The following CPXM1 variants were observed in gnomAD, a reference collection of about 807,000 sequenced individuals.
The protein encoded by CPXM1 is probable carboxypeptidase X1.
In CPXM1, 72 loss-of-function variants were observed where a neutral mutation model predicts 80.4. The ratio of observed to expected loss-of-function variants is 0.90; its 90% CI spans 0.74 to 1.09. The LOEUF (loss-of-function observed/expected upper bound fraction) is 1.09, where lower values mean the gene tolerates loss of function less well. Ranked by LOEUF, CPXM1 falls within the 50% of genes least tolerant of loss-of-function variation. The probability of loss-of-function intolerance (pLI) is 0.00; values close to 1 mark genes in which losing one functional copy is unlikely to be tolerated. For synonymous variants in CPXM1, 403 were observed against 405.6 expected, an observed-to-expected ratio of 0.99 and a Z score of 0.08; for missense variants, 892 against 999.4, an observed-to-expected ratio of 0.89 and a Z score of 1.45.
At position 2,794,338 on chromosome 20, in the gene CPXM1, C is replaced by T. The variant is rs138143188; in HGVS notation, c.2057G>A (p.Arg686Gln). The T allele has an allele frequency of 8.4e-5, 135 of 1,614,076 alleles. No individual in the cohort carries two copies. The African/African-American group carries it at 1.3e-3, about 15-fold the overall frequency. The change falls in exon 14 of 14, where the codon CGG becomes CAG. Residue 686 changes from arginine (R) to glutamine (Q), a missense_variant. Arg to Gln is a conservative substitution (Grantham distance 43). This residue lies in a region of CPXM1 where 874 missense variants were observed against 958.4 expected (regional missense o/e 0.91). Coordinates refer to ENST00000380605, the MANE Select transcript of CPXM1 (RefSeq NM_019609.5). This position sits in a 1 kb window ranked among gnomAD's most constrained non-coding sequence, Gnocchi z 5.2. ...GAAGGGGCCCTCTTCAAAGGTGACC[C>T]GACAGTTCCGTGTCACTGAATGGTA... Reference protein sequence around the residue: ...EGYHSVTRNCRVTFEEGPFPC... With the variant: ...EGYHSVTRNCQVTFEEGPFPC...
In CPXM1 at chr20:2,795,220, C is replaced by A. The variant is rs1358853024; in HGVS notation, c.1860+57G>T. On this transcript the variant is annotated intron_variant, in intron 12 of 13. Transcript: ENST00000380605. This position sits in a 1 kb window ranked among gnomAD's most constrained non-coding sequence, Gnocchi z 5.4. ...GAAGAACCCCTGGTAGGAGCTGTAG[C>A]CTAAATGGACAGCAGGAGTGATTCA... is the stretch of plus-strand genomic sequence containing the variant. 7.6e-6 allele frequency: 12 copies of A among 1,586,316 alleles called. No individual in the cohort carries two copies. In the East Asian group the frequency reaches 2.5e-4, roughly 33 times the overall value.
chr20:2,797,889 C>G, intron 5 of CPXM1, 79 bp downstream of exon 5: 1 of 1,325,498 alleles, frequency 7.5e-7, no homozygotes, highest in African/African-American at 1.4e-5. Flanking sequence ...ATTCCTTGTC[C>G]TCAGAGGAGC....
At chr20:2,800,108 G>A (rs2146564555) in intron 1 of CPXM1, among the ~76,000 whole-genome samples, 1 of 148,516 alleles carries the variant, frequency 6.7e-6, no homozygotes, top group East Asian at 2.3e-4. Context: ...CACTGTGAGT[G>A]TGAGTGTGCG....
chr20:2,797,480 A>G, intron 5 of CPXM1, 138 bp from the exon 6 acceptor site: 2 of 975,018 alleles, frequency 2.1e-6, no homozygotes, highest in Non-Finnish European at 2.9e-6. Flanking sequence ...CTGTGCATCA[A>G]ACACAGACCC....
chr20:2,795,468 C>T lies in CPXM1; in HGVS notation c.1721-52G>A, dbSNP rs1308620264. ...TAAGCAGGCGGGATGCGGTCCCATC[C>T]TCCCGCTACCCTCCCTTCTCTGAGG... On this transcript the variant is annotated intron_variant, in intron 11 of 13. Coordinates refer to ENST00000380605, the MANE Select transcript of CPXM1 (RefSeq NM_019609.5). This position sits in a 1 kb window ranked among gnomAD's most constrained non-coding sequence, Gnocchi z 5.4. 1.3e-6 allele frequency: 2 copies of T among 1,597,858 alleles called. No individual in the cohort carries two copies. The highest frequency in any genetic ancestry group is 1.7e-6 in the Non-Finnish European group (2 of 1,168,764).
At chr20:2,800,140 CGCACGCGCGTGTGAGTGTGCGT>C (rs1236338504) in intron 1 of CPXM1, among the ~76,000 whole-genome samples, 1 of 124,352 alleles carries the variant, frequency 8.0e-6, no homozygotes, top group South Asian at 2.8e-4. Context: ...TGTGTGTGCG[CGCACGCGCGTGTGAGTGTGCGT>C]GTGTGTGCAT....
rs186626222 is a variant in CPXM1, at chr20:2,795,301, G to T, written c.1836C>A (p.Asp612Glu). ...ELPQEWENNK[D>E]ALLTYLEQVR... ...CCTGCTCCAGGTAGGTGAGGAGGGC[G>T]TCTTTGTTGTTCTCCCACTCCTGGG... Residue 612 changes from aspartate (D) to glutamate (E), a missense_variant, in exon 12 of 14, where the codon GAC becomes GAA. Transcript: ENST00000380605. The surrounding 1 kb of genome is among the most constrained non-coding windows in gnomAD (Gnocchi z 5.4). 185 of 1,614,050 alleles carry T rather than the reference G, an allele frequency of 1.1e-4. No individual in the cohort carries two copies. The East Asian group carries it at 3.9e-3, about 34-fold the overall frequency.
Position 2,796,028 on chromosome 20 carries a change from T to G in CPXM1, c.1376A>C (p.Asn459Thr). The G allele has an allele frequency of 3.1e-6, 5 of 1,613,148 alleles. No individual in the cohort carries two copies. The highest frequency in any genetic ancestry group is 4.2e-6 in the Non-Finnish European group (5 of 1,179,572). The change falls in exon 10 of 14, where the codon AAC becomes ACC. Residue 459 changes from asparagine (N) to threonine (T), a missense_variant. Asn to Thr is a moderately conservative substitution (Grantham distance 65). This residue lies in a region of CPXM1 where 874 missense variants were observed against 958.4 expected (regional missense o/e 0.91). Transcript: ENST00000380605. This position sits in a 1 kb window ranked among gnomAD's most constrained non-coding sequence, Gnocchi z 6.8. ...GTAAGTGGGCAATGGCAGGTGATGG[T>G]TGGGGACGATGTGGGGCACCTTCCC... The part of the protein sequence containing the change: ...DDGKVPHIVP[N>T]HHLPLPTYYT...
At position 2,794,749 on chromosome 20, in the gene CPXM1, C is replaced by T. The variant is rs970491297; in HGVS notation, c.1861-110G>A. On this transcript the variant is annotated intron_variant, in intron 12 of 13. Coordinates refer to ENST00000380605, the MANE Select transcript of CPXM1 (RefSeq NM_019609.5). This position sits in a 1 kb window ranked among gnomAD's most constrained non-coding sequence, Gnocchi z 5.2. Reference sequence around the variant, plus strand: ...AAACCTGAGCAAAGTGGTAGGTCTACTGTGTTCCTAGGTGACACTACTTCT... The same window carrying T: ...AAACCTGAGCAAAGTGGTAGGTCTATTGTGTTCCTAGGTGACACTACTTCT... 1.6e-5 allele frequency: 12 copies of T among 759,602 alleles called. No homozygotes were observed. Among genetic ancestry groups the T allele is most frequent in the Non-Finnish European group, 2.2e-5 (10 of 446,546 alleles). The allele number at this position is 759,602 out of a possible 1,614,324, so 47.1% of individuals were successfully genotyped here.
In CPXM1 at chr20:2,796,926, G is replaced by A. The variant is rs2146559943; in HGVS notation, c.921+80C>T. 2.2e-6 allele frequency: 3 copies of A among 1,342,170 alleles called. No homozygotes were observed. The highest frequency in any genetic ancestry group is 3.2e-6 in the Non-Finnish European group (3 of 942,302). The allele number at this position is 1,342,170 out of a possible 1,614,324, so 83.1% of individuals were successfully genotyped here. On this transcript the variant is annotated intron_variant, in intron 7 of 13. Transcript: ENST00000380605. This position sits in a 1 kb window ranked among gnomAD's most constrained non-coding sequence, Gnocchi z 6.8. ...GGGCATACAAGCGCAGTCACAGCAGGTTGTGCCCCGGTGGGAAGGTGGGAA... is the reference window on the plus strand; with the variant it reads ...GGGCATACAAGCGCAGTCACAGCAGATTGTGCCCCGGTGGGAAGGTGGGAA...
chr20:2,796,984 G>C lies in CPXM1; in HGVS notation c.921+22C>G. On this transcript the variant is annotated intron_variant, in intron 7 of 13. Coordinates refer to ENST00000380605, the MANE Select transcript of CPXM1 (RefSeq NM_019609.5). The surrounding 1 kb of genome is among the most constrained non-coding windows in gnomAD (Gnocchi z 6.8). The stretch of plus-strand genomic sequence containing the variant: ...TGAGATGGGTGGGCCCTCCTTCCCA[G>C]GTCATAGGGGTTATATCTGACCTTC... 2 of 1,609,212 alleles carry C rather than the reference G, an allele frequency of 1.2e-6. No individual in the cohort carries two copies. Among genetic ancestry groups the C allele is most frequent in the Non-Finnish European group, 8.5e-7 (1 of 1,175,738 alleles).
chr20:2,798,703 C>T (rs2088536405), intron 2 of CPXM1, 23 bp downstream of exon 2: 2 of 1,603,178 alleles, frequency 1.2e-6, no homozygotes, highest in Non-Finnish European at 1.7e-6. Context: ...CAAGTCTGGG[C>T]TGGGCCCCTG....
Position 2,797,737 on chromosome 20 carries a change from G to A in CPXM1, c.681+231C>T, listed in dbSNP as rs77256560. 4.1e-3 allele frequency among the ~76,000 whole-genome samples: 627 copies of A among 152,330 alleles called. 6 individuals carry two copies. Among genetic ancestry groups the A allele is most frequent in the African/African-American group, 0.013 (525 of 41,580 alleles). On this transcript the variant is annotated intron_variant, in intron 5 of 13. Transcript: ENST00000380605. ...GGGCACGCCAGGAGGAAGCTGTACC[G>A]TGAAGCAGCACCCACCCTGTGGTGG...
chr20:2,796,854 G>A lies in CPXM1; in HGVS notation c.921+152C>T, dbSNP rs2088515451. The A allele has an allele frequency of 1.0e-6, 1 of 969,482 alleles. No individual in the cohort carries two copies. The highest frequency in any genetic ancestry group is 1.6e-6 in the Non-Finnish European group (1 of 641,880). The allele number at this position is 969,482 out of a possible 1,614,324, so 60.1% of individuals were successfully genotyped here. A position where few individuals can be genotyped will look rare whatever the true frequency, so the allele number is the denominator to read the frequency against. Reference sequence around the variant, plus strand: ...CCATAATAAGGGAAAGTGGGATGGAGCTTAGGGGTCCACAGGAGAGAAGGC... The same window carrying A: ...CCATAATAAGGGAAAGTGGGATGGAACTTAGGGGTCCACAGGAGAGAAGGC... On this transcript the variant is annotated intron_variant, in intron 7 of 13. Transcript: ENST00000380605. This position sits in a 1 kb window ranked among gnomAD's most constrained non-coding sequence, Gnocchi z 6.8.
At chr20:2,797,535 C>G (rs1330625309) in intron 5 of CPXM1, among the ~76,000 whole-genome samples, 193 bp from the exon 6 acceptor site, 1 of 152,218 alleles carries the variant, frequency 6.6e-6, no homozygotes, top group Non-Finnish European at 1.5e-5. Flanking sequence ...CAGCCTTGCT[C>G]TCTGGATTGG....
At chr20:2,797,638 A>C (rs994138418) in intron 5 of CPXM1, among the ~76,000 whole-genome samples, 1 of 152,316 alleles carries the variant, frequency 6.6e-6, no homozygotes, top group South Asian at 2.1e-4. Flanking sequence ...CTGTAAAAAG[A>C]GGTCCATGAG....
At position 2,800,622 on chromosome 20, in the gene CPXM1, G is replaced by C; in HGVS notation, c.-50C>G. On this transcript the variant is annotated 5_prime_UTR_variant, in exon 1 of 14. Coordinates refer to ENST00000380605, the MANE Select transcript of CPXM1 (RefSeq NM_019609.5). ...CGCGGGCTACGGCGGGTGGCGGGTC[G>C]GTCTCTTCCTGCCGAGTGCGCCGAG... 4 of 1,296,670 alleles carry C rather than the reference G, an allele frequency of 3.1e-6. No homozygotes were observed. The highest frequency in any genetic ancestry group is 3.9e-6 in the Non-Finnish European group (4 of 1,020,176). 80.3% of individuals were successfully genotyped at this position (1,296,670 alleles called of 1,614,324 possible).
At chr20:2,797,879 A>T in intron 5 of CPXM1, 89 bp downstream of exon 5, 3 of 1,211,246 alleles carry the variant, frequency 2.5e-6, no homozygotes, top group Non-Finnish European at 2.4e-6. Flanking sequence ...GCTGGCGTCT[A>T]TTCCTTGTCC....
chr20:2,798,369 A>C, intron 3 of CPXM1, 59 bp downstream of exon 3: 1 of 1,602,556 alleles, frequency 6.2e-7, no homozygotes, highest in Non-Finnish European at 8.5e-7. Context: ...GCAGGAGAGA[A>C]GCTCCCAGGG....
Sources: allele counts gnomAD v4.1 joint callset (sites outside exome capture counted in the v4.1 genomes callset), GRCh38; gene constraint gnomAD v4.1.1; regional missense constraint gnomAD v4.1.1; non-coding constraint Gnocchi (gnomAD v3.1); transcripts MANE v1.5; gene names NCBI Gene and HGNC (gene_info 2026-07-23, HGNC 2026-07-21).